Variants in PLEKHH2 observed in about 807,000 individuals in gnomAD.
The protein encoded by PLEKHH2 is pleckstrin homology domain-containing family H member 2.
PLEKHH2 carries 129 observed loss-of-function variants against 187.9 expected under a neutral mutation model. That is an observed-to-expected ratio of 0.69 (90% CI 0.59 to 0.79). The LOEUF (loss-of-function observed/expected upper bound fraction) is 0.79. Among genes scored for constraint, PLEKHH2 ranks in the 30% least tolerant of loss-of-function variants. PLEKHH2 has a pLI of 0.00. For missense variants in PLEKHH2, 2,076 were observed against 1,751.2 expected, an observed-to-expected ratio of 1.19 and a Z score of -3.31; for synonymous variants, 686 against 605.6, an observed-to-expected ratio of 1.13 and a Z score of -1.95.
chr2:43,678,866 C>A lies in PLEKHH2; in HGVS notation c.127C>A (p.Gln43Lys), dbSNP rs750535590. Reference sequence around the variant, plus strand: ...TATATTTTCCCTCACTCTACAGATGCAACAGCTTGAGAGACAAGTTATTGA... The same window carrying A: ...TATATTTTCCCTCACTCTACAGATGAAACAGCTTGAGAGACAAGTTATTGA... ...KIRELLAEKM[Q>K]QLERQVIDAE... The change falls in exon 3 of 30, where the codon CAA becomes AAA. Residue 43 changes from glutamine (Q) to lysine (K), a missense_variant. Transcript: ENST00000282406. The A allele has an allele frequency of 1.4e-5, 23 of 1,599,728 alleles. No homozygotes were observed. The highest frequency in any genetic ancestry group is 1.0e-4 in the Admixed American group (6 of 59,854).
chr2:43,764,275 C>A lies in PLEKHH2; in HGVS notation c.4206C>A (p.Gly1402=). The change falls in exon 29 of 30, where the codon GGC becomes GGA. Residue 1402 remains glycine, a synonymous_variant. Coordinates refer to ENST00000282406, the MANE Select transcript of PLEKHH2 (RefSeq NM_172069.4). The stretch of plus-strand genomic sequence containing the variant: ...ACAAGAGTCTAATGACCTTTGGAGG[C>A]TATCAAGATGATTTTATGGTAGTCA... ...YVYKSLMTFG[G]YQDDFMVVIN... The A allele has an allele frequency of 1.3e-6, 2 of 1,587,658 alleles. No homozygotes were observed. Among genetic ancestry groups the A allele is most frequent in the Non-Finnish European group, 1.7e-6 (2 of 1,164,462 alleles).
chr2:43,679,605 C>G (rs7557371), intron 3 of PLEKHH2: 124,206 of 278,356 alleles, frequency 0.45, 28,971 homozygotes, highest in Non-Finnish European at 0.5. Context: ...AAGTGATTCT[C>G]CTGCCTCAAT....
chr2:43,737,557 G>A (rs926369735), intron 19 of PLEKHH2, among the ~76,000 whole-genome samples: 2 of 152,160 alleles, frequency 1.3e-5, no homozygotes, highest in Admixed American at 1.3e-4. Flanking sequence ...GCTGTCAGCG[G>A]GGGTAGCAGG....
At chr2:43,764,824 C>G (rs1672561874) in intron 29 of PLEKHH2, among the ~76,000 whole-genome samples, 1 of 152,160 alleles carries the variant, frequency 6.6e-6, no homozygotes, top group Admixed American at 6.5e-5. Context: ...TTTTAACAAA[C>G]TGTGTAGTTT....
At chr2:43,712,472 A>T (rs1558543322) in intron 15 of PLEKHH2, 89 bp downstream of exon 15, 1 of 1,387,500 alleles carries the variant, frequency 7.2e-7, no homozygotes, top group Middle Eastern at 1.8e-4. Context: ...GCATATACAT[A>T]TATTGAATAT....
intron 2 of PLEKHH2, among the ~76,000 whole-genome samples, chr2:43,657,602 TC>T (rs1164464593): frequency 6.6e-6 from 1 of 152,210 alleles, no homozygotes; most frequent in Non-Finnish European, 1.5e-5. Context: ...ATGGAGGACA[TC>T]CCATGGAAAA....
intron 1 of PLEKHH2, among the ~76,000 whole-genome samples, chr2:43,638,885 C>T (rs1046852819): frequency 6.6e-6 from 1 of 152,090 alleles, no homozygotes; most frequent in African/African-American, 2.4e-5. Flanking sequence ...CATTATCCAA[C>T]CAATTTGCAG....
intron 2 of PLEKHH2, among the ~76,000 whole-genome samples, chr2:43,678,395 G>C (rs1427205254): frequency 6.6e-6 from 1 of 152,124 alleles, no homozygotes; most frequent in Non-Finnish European, 1.5e-5. Context: ...CCGAGATCAC[G>C]CCACTGCACT....
At chr2:43,650,426 C>A (rs770264357) in intron 2 of PLEKHH2, among the ~76,000 whole-genome samples, 2 of 151,898 alleles carry the variant, frequency 1.3e-5, no homozygotes, top group East Asian at 3.9e-4. Context: ...AGCCACTGTA[C>A]CCGGCCATTT....
intron 14 of PLEKHH2, chr2:43,711,693 C>T (rs1669973639): frequency 1.8e-6 from 1 of 546,866 alleles, no homozygotes; most frequent in Non-Finnish European, 2.3e-6. Flanking sequence ...AGATCGAGAC[C>T]ATCCTGGCTA....
chr2:43,737,546 A>G (rs1383880667), intron 19 of PLEKHH2, among the ~76,000 whole-genome samples: 2 of 152,140 alleles, frequency 1.3e-5, no homozygotes, highest in Non-Finnish European at 2.9e-5. Flanking sequence ...GGTACCATCA[A>G]GCTGTCAGCG....
Position 43,707,196 on chromosome 2 carries a change from CA to C in PLEKHH2, c.1822-185del, listed in dbSNP as rs60819579. ...GGGTGACAAGAGCAAGACTCCACCT[CA>C]AAAAAAAAAAAAAAAAAAATTCTAT... On this transcript the variant is annotated intron_variant, in intron 10 of 29. Transcript: ENST00000282406. 7.7e-3 allele frequency among the ~76,000 whole-genome samples: 682 copies of C among 88,170 alleles called. 1 individual carries two copies. Among genetic ancestry groups the C allele is most frequent in the South Asian group, 0.022 (53 of 2,388 alleles). The allele number at this position is 88,170 out of a possible 152,430, so 57.8% of individuals were successfully genotyped here.
In PLEKHH2 at chr2:43,699,972, A is replaced by T. The variant is rs780417923; in HGVS notation, c.1014A>T (p.Glu338Asp). The change falls in exon 8 of 30, where the codon GAA (glutamate) becomes GAT (aspartate). Residue 338 changes from glutamate to aspartate, a missense_variant. Physicochemically the swap from Glu to Asp is conservative, Grantham distance 45. Coordinates refer to ENST00000282406, the MANE Select transcript of PLEKHH2 (RefSeq NM_172069.4). ...ATGACAGCAGCTCTATATTTGAGGAAGAGACTTTTGGCATAAAGAGACCAG... is the reference window on the plus strand; with the variant it reads ...ATGACAGCAGCTCTATATTTGAGGATGAGACTTTTGGCATAAAGAGACCAG... ...ASDDSSSIFE[E>D]ETFGIKRPEH... 6.2e-7 allele frequency: 1 copy of T among 1,614,210 alleles called. No individual in the cohort carries two copies. Among genetic ancestry groups the T allele is most frequent in the East Asian group, 2.2e-5 (1 of 44,888 alleles).
intron 3 of PLEKHH2, among the ~76,000 whole-genome samples, chr2:43,685,413 C>T (rs1182571837): frequency 6.6e-6 from 1 of 151,944 alleles, no homozygotes; most frequent in East Asian, 1.9e-4. Context: ...ACTTAATGTT[C>T]TAGTACATCT....
intron 11 of PLEKHH2, among the ~76,000 whole-genome samples, chr2:43,708,329 TTC>T (rs1045834658): frequency 2.6e-5 from 4 of 152,222 alleles, no homozygotes; most frequent in African/African-American, 9.6e-5. Context: ...ATCTCCTTTC[TTC>T]TCTGTACTCA....
In PLEKHH2 at chr2:43,759,044, G is replaced by A; in HGVS notation, c.4071+15G>A. The A allele has an allele frequency of 6.2e-7, 1 of 1,607,242 alleles. No individual in the cohort carries two copies. Among genetic ancestry groups the A allele is most frequent in the Non-Finnish European group, 8.5e-7 (1 of 1,174,742 alleles). On this transcript the variant is annotated intron_variant, in intron 27 of 29. Coordinates refer to ENST00000282406, the MANE Select transcript of PLEKHH2 (RefSeq NM_172069.4). The stretch of plus-strand genomic sequence containing the variant: ...TTCTTGCAAAAGTAAGAAAGAATGG[G>A]AGAGAGATGCATAATGAAAACCTTT...
intron 19 of PLEKHH2, among the ~76,000 whole-genome samples, chr2:43,736,873 GGGA>G (rs1671321928): frequency 2.0e-5 from 3 of 152,118 alleles, no homozygotes; most frequent in African/African-American, 7.2e-5. Flanking sequence ...GCTAAAGAGA[GGGA>G]GGGAGGGAGA....
chr2:43,757,373 AT>A, intron 26 of PLEKHH2, 109 bp downstream of exon 26: 5 of 897,382 alleles, frequency 5.6e-6, no homozygotes, highest in Non-Finnish European at 7.7e-6. Context: ...CTTTCTCAAG[AT>A]TTTTTTAACA....
intron 19 of PLEKHH2, among the ~76,000 whole-genome samples, chr2:43,733,362 CA>C (rs60417054): frequency 0.036 from 3,769 of 105,354 alleles, 95 homozygotes; most frequent in African/African-American, 0.079. Flanking sequence ...GACTCCATCT[CA>C]AAAAAAAAAA....
Sources: allele counts gnomAD v4.1 joint callset (sites outside exome capture counted in the v4.1 genomes callset), GRCh38; gene constraint gnomAD v4.1.1; transcripts MANE v1.5; gene names NCBI Gene and HGNC (gene_info 2026-07-23, HGNC 2026-07-21).